The following PTPRN variants were observed in gnomAD, a reference collection of about 807,000 sequenced individuals.
PTPRN encodes protein tyrosine phosphatase receptor type N.
A neutral mutation model predicts 108.5 loss-of-function variants in PTPRN; 70 were observed. The observed-to-expected ratio is 0.65, with a 90% CI of 0.53 to 0.79. The LOEUF (loss-of-function observed/expected upper bound fraction) is 0.79, where lower values mean the gene tolerates loss of function less well. Ranked by LOEUF, PTPRN falls within the 30% of genes least tolerant of loss-of-function variation. The pLI is 0.00. For missense variants in PTPRN, 1,136 were observed against 1,295.5 expected, an observed-to-expected ratio of 0.88 and a Z score of 1.89; for synonymous variants, 496 against 524.6, an observed-to-expected ratio of 0.95 and a Z score of 0.75.
chr2:219,296,652 GGGGTTGGT>G lies in PTPRN; in HGVS notation c.2310+89_2310+96del. On this transcript the variant is annotated intron_variant, in intron 16 of 22. Transcript: ENST00000295718. This position sits in a 1 kb window ranked among gnomAD's most constrained non-coding sequence, Gnocchi z 6.0. ...AGGATATCAGGCCCCACCACTCCAGGGGGTTGGTGGGGTGGCAGGTGACCACGGGGAAA... is the reference window on the plus strand; with the variant it reads ...AGGATATCAGGCCCCACCACTCCAGGGGGGTGGCAGGTGACCACGGGGAAA... The G allele has an allele frequency of 6.5e-7, 1 of 1,545,310 alleles. No homozygotes were observed. The highest frequency in any genetic ancestry group is 8.9e-7 in the Non-Finnish European group (1 of 1,125,190).
chr2:219,303,120 C>A (rs1027323006), intron 4 of PTPRN, among the ~76,000 whole-genome samples: 3 of 152,120 alleles, frequency 2.0e-5, no homozygotes, highest in Non-Finnish European at 2.9e-5. Context: ...GGAGAAGGGG[C>A]AAACAGGAGC....
rs58673887 is a variant in PTPRN at position 219,295,975 on chromosome 2, GACACAC to G, written c.2508+245_2508+250del. On this transcript the variant is annotated intron_variant, in intron 18 of 22. Coordinates refer to ENST00000295718, the MANE Select transcript of PTPRN (RefSeq NM_002846.4). ...ATGAACGCTTTTTGACTCTAGACAG[GACACAC>G]ACACACACACACACACACACACATG... 885 of 422,588 alleles carry G rather than the reference GACACAC, an allele frequency of 2.1e-3. 1 individual carries two copies. Among genetic ancestry groups the G allele is most frequent in the East Asian group, 8.7e-3 (195 of 22,364 alleles). 26.2% of individuals were successfully genotyped at this position (422,588 alleles called of 1,614,324 possible). A position where few individuals can be genotyped will look rare whatever the true frequency, so the allele number is the denominator to read the frequency against.
At chr2:219,303,125 A>G (rs1952399280) in intron 4 of PTPRN, among the ~76,000 whole-genome samples, 1 of 152,160 alleles carries the variant, frequency 6.6e-6, no homozygotes, top group Non-Finnish European at 1.5e-5. Context: ...AGGGGCAAAC[A>G]GGAGCAGGGG....
chr2:219,293,008 T>G (rs944518797), intron 19 of PTPRN: 1 of 152,150 alleles, frequency 6.6e-6, no homozygotes, highest in Non-Finnish European at 1.5e-5. Flanking sequence ...CGGTCCCTTG[T>G]GCCAAAAAGG....
In PTPRN at chr2:219,298,065, G is replaced by C. The variant is rs766874132; in HGVS notation, c.1707C>G (p.His569Gln). 1 of 1,613,854 alleles carries C rather than the reference G, an allele frequency of 6.2e-7. No homozygotes were observed. Among genetic ancestry groups the C allele is most frequent in the Non-Finnish European group, 8.5e-7 (1 of 1,179,996 alleles). The part of the protein sequence containing the change: ...EAAAVLPQTA[H>Q]STSPMRSVLL... ...GCACTGAGCGCATGGGTGAGGTGCT[G>C]TGCGCAGTTTGGGGAAGGACTGCAG... is the stretch of plus-strand genomic sequence containing the variant. Residue 569 changes from histidine (H) to glutamine (Q), a missense_variant, in exon 13 of 23, where the codon CAC becomes CAG. His to Gln is a conservative substitution (Grantham distance 24, BLOSUM62 0). Transcript: ENST00000295718.
chr2:219,297,547 G>T lies in PTPRN; in HGVS notation c.1888-114C>A. On this transcript the variant is annotated intron_variant, in intron 13 of 22. Coordinates refer to ENST00000295718, the MANE Select transcript of PTPRN (RefSeq NM_002846.4). The surrounding 1 kb of genome is among the most constrained non-coding windows in gnomAD (Gnocchi z 6.0). ...CTTGACTGATTTTCAGTGGAACTCAGCTCCTCTGGGGTATGGTCTTCTGCC... is the reference window on the plus strand; with the variant it reads ...CTTGACTGATTTTCAGTGGAACTCATCTCCTCTGGGGTATGGTCTTCTGCC... 9.6e-7 allele frequency: 1 copy of T among 1,042,598 alleles called. No individual in the cohort carries two copies. The allele number at this position is 1,042,598 out of a possible 1,614,324, so 64.6% of individuals were successfully genotyped here.
chr2:219,297,912 G>A lies in PTPRN; in HGVS notation c.1860C>T (p.Ala620=). Residue 620 remains alanine, a synonymous_variant, in exon 13 of 23, where the codon GCC becomes GCT. Transcript: ENST00000295718. The surrounding 1 kb of genome is among the most constrained non-coding windows in gnomAD (Gnocchi z 6.0). ...ERLAALGPEG[A]HGDTTFEYQD... Reference sequence around the variant, plus strand: ...GGTACTCAAAGGTAGTGTCACCATGGGCCCCCTCAGGCCCCAGGGCTGCCA... The same window carrying A: ...GGTACTCAAAGGTAGTGTCACCATGAGCCCCCTCAGGCCCCAGGGCTGCCA... 1.2e-6 allele frequency: 2 copies of A among 1,611,502 alleles called. No individual in the cohort carries two copies. Among genetic ancestry groups the A allele is most frequent in the Middle Eastern group, 1.9e-4 (1 of 5,218 alleles).
In PTPRN at chr2:219,299,354, G is replaced by C. The variant is rs1952282612; in HGVS notation, c.1554C>G (p.Ile518Met). The C allele has an allele frequency of 1.2e-6, 2 of 1,614,090 alleles. No homozygotes were observed. Among genetic ancestry groups the C allele is most frequent in the African/African-American group, 1.3e-5 (1 of 74,922 alleles). ...AAGACAGGTTCTGCTCATTGTGCCG[G>C]ATGCGGAAGGTGAGGGCTGGTCCCA... ...SVVGPALTFRIRHNEQNLSLA... is the reference protein window; with the variant it reads ...SVVGPALTFRMRHNEQNLSLA... The change falls in exon 11 of 23, where the codon ATC becomes ATG. Residue 518 changes from isoleucine to methionine, a missense_variant. By Grantham distance (10) the Ile-to-Met change is conservative. Transcript: ENST00000295718.
At position 219,297,508 on chromosome 2, in the gene PTPRN, C is replaced by A. The variant is rs1952232517; in HGVS notation, c.1888-75G>T. 2.8e-6 allele frequency: 4 copies of A among 1,429,786 alleles called. No homozygotes were observed. Among genetic ancestry groups the A allele is most frequent in the South Asian group, 1.2e-5 (1 of 83,800 alleles). 88.6% of individuals were successfully genotyped at this position (1,429,786 alleles called of 1,614,324 possible). On this transcript the variant is annotated intron_variant, in intron 13 of 22. Coordinates refer to ENST00000295718, the MANE Select transcript of PTPRN (RefSeq NM_002846.4). The surrounding 1 kb of genome is among the most constrained non-coding windows in gnomAD (Gnocchi z 6.0). ...ACAGGGCCCTGGGTTCAACTCTGGG[C>A]TCCTAGGCTTGCCCTTGACTGATTT...
intron 20 of PTPRN, among the ~76,000 whole-genome samples, chr2:219,291,187 G>A (rs1217780713): frequency 6.6e-6 from 1 of 152,144 alleles, no homozygotes; most frequent in Non-Finnish European, 1.5e-5. Flanking sequence ...GAATTGGATG[G>A]GCCTCTCTAG....
chr2:219,297,498 C>G lies in PTPRN; in HGVS notation c.1888-65G>C. 1.4e-6 allele frequency: 2 copies of G among 1,477,364 alleles called. No homozygotes were observed. Among genetic ancestry groups the G allele is most frequent in the Non-Finnish European group, 1.9e-6 (2 of 1,065,150 alleles). 91.5% of individuals were successfully genotyped at this position (1,477,364 alleles called of 1,614,324 possible). ...AAACTTTTCAACAGGGCCCTGGGTT[C>G]AACTCTGGGCTCCTAGGCTTGCCCT... On this transcript the variant is annotated intron_variant, in intron 13 of 22. Transcript: ENST00000295718. This position sits in a 1 kb window ranked among gnomAD's most constrained non-coding sequence, Gnocchi z 6.0.
chr2:219,294,403 G>A (rs527747820), intron 19 of PTPRN, among the ~76,000 whole-genome samples: 28 of 151,444 alleles, frequency 1.8e-4, no homozygotes, highest in African/African-American at 6.8e-4. Context: ...AAAGGGTGAG[G>A]CAGAGACAGA....
At position 219,290,648 on chromosome 2, in the gene PTPRN, T is replaced by C. The variant is rs1165599386; in HGVS notation, c.2795-37A>G. The C allele has an allele frequency of 1.3e-6, 2 of 1,535,824 alleles. No homozygotes were observed. The highest frequency in any genetic ancestry group is 1.4e-5 in the African/African-American group (1 of 72,726). On this transcript the variant is annotated intron_variant, in intron 21 of 22. Coordinates refer to ENST00000295718, the MANE Select transcript of PTPRN (RefSeq NM_002846.4). This position sits in a 1 kb window ranked among gnomAD's most constrained non-coding sequence, Gnocchi z 4.2. ...GGTGGGGATGGGGCTGCTCAGGGGGTGTCCAGAGGAGGACAGGACCCAGAA... is the reference window on the plus strand; with the variant it reads ...GGTGGGGATGGGGCTGCTCAGGGGGCGTCCAGAGGAGGACAGGACCCAGAA...
chr2:219,302,576 C>A lies in PTPRN; in HGVS notation c.639G>T (p.Gln213His). 1 of 1,613,992 alleles carries A rather than the reference C, an allele frequency of 6.2e-7. No homozygotes were observed. Among genetic ancestry groups the A allele is most frequent in the South Asian group, 1.1e-5 (1 of 91,082 alleles). The change falls in exon 5 of 23, where the codon CAG (glutamine) becomes CAT (histidine). Residue 213 changes from glutamine (Q) to histidine (H), a missense_variant and splice_region_variant. Gln to His is a conservative substitution (Grantham distance 24). Transcript: ENST00000295718. Reference sequence around the variant, plus strand: ...GGTGGGACCAGAGTCAAGGACTTACCTGGTGGAACAGGTAGGGCTGCAGCA... The same window carrying A: ...GGTGGGACCAGAGTCAAGGACTTACATGGTGGAACAGGTAGGGCTGCAGCA... Reference protein sequence around the residue: ...PALLQPYLFHQFGSRDGSRVS... With the variant: ...PALLQPYLFHHFGSRDGSRVS...
Position 219,289,915 on chromosome 2 carries a change from A to C in PTPRN, c.*311T>G. 1 of 353,360 alleles carries C rather than the reference A, an allele frequency of 2.8e-6. No individual in the cohort carries two copies. The highest frequency in any genetic ancestry group is 3.5e-5 in the South Asian group (1 of 28,262). 21.9% of individuals were successfully genotyped at this position (353,360 alleles called of 1,614,324 possible). Reference sequence around the variant, plus strand: ...TTCAGGGAACTCCCAGAACCCCAGGAGAGCTACAGGAGAGCCAGGCCAGGG... The same window carrying C: ...TTCAGGGAACTCCCAGAACCCCAGGCGAGCTACAGGAGAGCCAGGCCAGGG... On this transcript the variant is annotated 3_prime_UTR_variant, in exon 23 of 23. Coordinates refer to ENST00000295718, the MANE Select transcript of PTPRN (RefSeq NM_002846.4).
chr2:219,307,504 G>A lies in PTPRN; in HGVS notation c.220C>T (p.Gln74Ter). 1.2e-6 allele frequency: 2 copies of A among 1,614,168 alleles called. No individual in the cohort carries two copies. Among genetic ancestry groups the A allele is most frequent in the Non-Finnish European group, 1.7e-6 (2 of 1,180,024 alleles). ...VGVGQARPLL[Q>*]VTSPVLQRLQ... Reference sequence around the variant, plus strand: ...CGTTGGAGAACTGGGGAGGTGACTTGCAAAAGGGGCCGGGCCTGCCCCACT... The same window carrying A: ...CGTTGGAGAACTGGGGAGGTGACTTACAAAAGGGGCCGGGCCTGCCCCACT... Residue 74 changes from glutamine (Q) to a stop codon, truncating the protein, a stop_gained, in exon 3 of 23, where the codon CAA (glutamine) becomes TAA (stop). Coordinates refer to ENST00000295718, the MANE Select transcript of PTPRN (RefSeq NM_002846.4). LOFTEE classifies it high-confidence loss of function.
In PTPRN at chr2:219,307,828, G is replaced by A; in HGVS notation, c.130C>T (p.Arg44Cys). The stretch of plus-strand genomic sequence containing the variant: ...ACTTCCAGGTGAGAGCAGAGCCTGC[G>A]GTCAAATAGACAGCCTGTAGAGGAA... Reference protein sequence around the residue: ...AVSAHGCLFDRRLCSHLEVCI... With the variant: ...AVSAHGCLFDCRLCSHLEVCI... Residue 44 changes from arginine (R) to cysteine (C), a missense_variant, in exon 2 of 23, where the codon CGC (arginine) becomes TGC (cysteine). Transcript: ENST00000295718. The A allele has an allele frequency of 1.2e-6, 2 of 1,614,148 alleles. No homozygotes were observed. Among genetic ancestry groups the A allele is most frequent in the East Asian group, 2.2e-5 (1 of 44,882 alleles).
At position 219,297,937 on chromosome 2, in the gene PTPRN, A is replaced by G; in HGVS notation, c.1835T>C (p.Leu612Pro). ...GGCCCCCTCAGGCCCCAGGGCTGCC[A>G]GGCGCTCCTTGTCTTGCTGCCGCGC... ...QHARQQDKER[L>P]AALGPEGAHG... Residue 612 changes from leucine to proline, a missense_variant, in exon 13 of 23, where the codon CTG becomes CCG. Physicochemically the swap from Leu to Pro is moderately conservative, Grantham distance 98 (BLOSUM62 -3). Transcript: ENST00000295718. This position sits in a 1 kb window ranked among gnomAD's most constrained non-coding sequence, Gnocchi z 6.0. 1 of 1,613,198 alleles carries G rather than the reference A, an allele frequency of 6.2e-7. No individual in the cohort carries two copies. Among genetic ancestry groups the G allele is most frequent in the Non-Finnish European group, 8.5e-7 (1 of 1,179,914 alleles).
intron 3 of PTPRN, chr2:219,307,234 ACTT>A: frequency 2.1e-6 from 1 of 475,808 alleles, no homozygotes; most frequent in Middle Eastern, 4.6e-4. Context: ...TTTTCCAGTG[ACTT>A]CTTCTTAGAA....
Sources: gnomAD v4.1 joint callset for allele counts (sites outside exome capture counted in the v4.1 genomes callset) on GRCh38, gnomAD v4.1.1 for gene constraint, Gnocchi (gnomAD v3.1) non-coding constraint, MANE v1.5 for transcripts, NCBI Gene and HGNC (gene_info 2026-07-23, HGNC 2026-07-21) for gene names.